OPCML: variants seen among roughly 807,000 people sequenced by gnomAD.
OPCML encodes opioid-binding protein/cell adhesion molecule.
In OPCML, 13 loss-of-function variants were observed where a neutral mutation model predicts 37.8. The observed-to-expected ratio is 0.34, with a 90% CI of 0.22 to 0.55. The LOEUF (loss-of-function observed/expected upper bound fraction) is 0.55, where lower values mean the gene tolerates loss of function less well. OPCML is among the 20% of genes least tolerant of loss of function. The pLI is 0.91. For missense variants in OPCML, 341 were observed against 435.6 expected (o/e 0.78, Z 1.93); for synonymous variants, 176 against 168.8 (o/e 1.04, Z -0.33).
At chr11:132,985,662 C>T (rs965032215) in intron 1 of OPCML, among the ~76,000 whole-genome samples, 4 of 152,168 alleles carry the variant, frequency 2.6e-5, no homozygotes, top group South Asian at 2.1e-4. Context: ...TTAATGTAGC[C>T]TGAATATAGG....
chr11:132,464,356 C>T (rs1231264477), intron 4 of OPCML, among the ~76,000 whole-genome samples: 1 of 152,198 alleles, frequency 6.6e-6, no homozygotes, highest in Non-Finnish European at 1.5e-5. Flanking sequence ...TGACATTATA[C>T]TGTATATGTA....
At chr11:132,818,660 A>ATATATATATATATATATATAT (rs56858242) in intron 2 of OPCML, among the ~76,000 whole-genome samples, 9,765 of 115,244 alleles carry the variant, frequency 0.085, 683 homozygotes, top group Middle Eastern at 0.14. Context: ...ATATATATAT[A>ATATATATATATATATATATAT]GACAGATTAT....
chr11:133,519,800 G>A (rs1200322281), intron 1 of OPCML, among the ~76,000 whole-genome samples: 1 of 152,172 alleles, frequency 6.6e-6, no homozygotes, highest in Non-Finnish European at 1.5e-5. Context: ...GTGCCTGCCA[G>A]ACAAACCTGA....
intron 1 of OPCML, among the ~76,000 whole-genome samples, chr11:133,526,451 C>T (rs1475675264): frequency 6.6e-6 from 1 of 152,164 alleles, no homozygotes; most frequent in African/African-American, 2.4e-5. Context: ...AAGGGGCATG[C>T]ATCTATGGTT....
intron 2 of OPCML, among the ~76,000 whole-genome samples, chr11:132,809,268 C>CA (rs1218226583): frequency 6.6e-6 from 1 of 152,156 alleles, no homozygotes; most frequent in Admixed American, 6.5e-5. Flanking sequence ...GTGTTAACAG[C>CA]AGGGAAATAG....
chr11:132,802,280 C>T (rs1347257402), intron 2 of OPCML, among the ~76,000 whole-genome samples: 1 of 152,144 alleles, frequency 6.6e-6, no homozygotes, highest in African/African-American at 2.4e-5. Flanking sequence ...TTAAGGAAAA[C>T]CAGATCATGC....
intron 3 of OPCML, among the ~76,000 whole-genome samples, chr11:132,559,893 AT>A (rs1463283550): frequency 6.6e-6 from 1 of 152,210 alleles, no homozygotes; most frequent in African/African-American, 2.4e-5. Flanking sequence ...GATTGGAGCC[AT>A]TTAAGAGGCT....
rs538256062 is a variant in OPCML at position 132,893,662 on chromosome 11, A to G, written c.146+49264T>C. ...TCTTATGAAGGCTAAAGGTGAGGAG[A>G]TAGCAATATCGCAAAATCTGTTTTA... On this transcript the variant is annotated intron_variant, in intron 2 of 7. Transcript: ENST00000524381. Among the ~76,000 whole-genome samples, 8 of 152,384 alleles carry G rather than the reference A, an allele frequency of 5.2e-5. No homozygotes were observed. The South Asian group carries it at 1.7e-3, about 32-fold the overall frequency.
At chr11:133,092,278 T>G (rs955108730) in intron 1 of OPCML, among the ~76,000 whole-genome samples, 2 of 152,118 alleles carry the variant, frequency 1.3e-5, no homozygotes, top group Non-Finnish European at 2.9e-5. Context: ...TGTTTATAAA[T>G]TACCCGGTCT....
At chr11:132,552,881 T>A (rs2096385478) in intron 3 of OPCML, among the ~76,000 whole-genome samples, 1 of 150,772 alleles carries the variant, frequency 6.6e-6, no homozygotes, top group Non-Finnish European at 1.5e-5. Flanking sequence ...TTCTCCTGCC[T>A]CAGCCTCCCG....
At chr11:132,893,175 G>A (rs185279591) in intron 2 of OPCML, among the ~76,000 whole-genome samples, 15 of 151,974 alleles carry the variant, frequency 9.9e-5, no homozygotes, top group Non-Finnish European at 7.4e-5. Context: ...TTGGACAGGA[G>A]CTATAAAAAC....
chr11:132,501,034 T>C (rs938370944), intron 4 of OPCML, among the ~76,000 whole-genome samples: 1 of 152,206 alleles, frequency 6.6e-6, no homozygotes, highest in African/African-American at 2.4e-5. Context: ...TGTGTCTTTA[T>C]AGTAGAATGA....
intron 1 of OPCML, among the ~76,000 whole-genome samples, chr11:133,295,893 AC>A (rs1460756641): frequency 6.6e-6 from 1 of 152,256 alleles, no homozygotes; most frequent in Non-Finnish European, 1.5e-5. Context: ...TATTTCATAT[AC>A]ATTTGCACTC....
chr11:133,037,776 T>C (rs1226890042), intron 1 of OPCML, among the ~76,000 whole-genome samples: 1 of 152,206 alleles, frequency 6.6e-6, no homozygotes. Context: ...TCATCATCTG[T>C]GCCATGCTGG....
intron 2 of OPCML, among the ~76,000 whole-genome samples, chr11:132,724,411 T>A (rs1591519926): frequency 6.6e-6 from 1 of 152,282 alleles, no homozygotes; most frequent in African/African-American, 2.4e-5. Context: ...TGAGACTTAT[T>A]CACAATCACG....
intron 1 of OPCML, among the ~76,000 whole-genome samples, chr11:133,351,846 A>G (rs1178875808): frequency 6.6e-6 from 1 of 152,100 alleles, no homozygotes; most frequent in African/African-American, 2.4e-5. Context: ...CAACCTTGAG[A>G]TGCTTCAGTC....
At chr11:133,181,277 C>T (rs184526878) in intron 1 of OPCML, among the ~76,000 whole-genome samples, 16 of 144,854 alleles carry the variant, frequency 1.1e-4, no homozygotes, top group Admixed American at 7.3e-4. Flanking sequence ...GAAAACCGGG[C>T]GAACCTGATT....
chr11:133,126,409 T>C (rs2137126769), intron 1 of OPCML, among the ~76,000 whole-genome samples: 1 of 152,270 alleles, frequency 6.6e-6, no homozygotes, highest in East Asian at 1.9e-4. Context: ...CAGAAACACC[T>C]TCCCAGACAC....
chr11:132,960,918 G>T (rs1315966960), intron 1 of OPCML, among the ~76,000 whole-genome samples: 1 of 152,214 alleles, frequency 6.6e-6, no homozygotes, highest in South Asian at 2.1e-4. Flanking sequence ...TGAGGCTGCA[G>T]TGATGCTGAG....
Sources: gnomAD v4.1 joint callset for allele counts (sites outside exome capture counted in the v4.1 genomes callset) on GRCh38, gnomAD v4.1.1 for gene constraint, MANE v1.5 for transcripts, NCBI Gene and HGNC (gene_info 2026-07-23, HGNC 2026-07-21) for gene names.